GVQW3: variants seen among roughly 807,000 people sequenced by gnomAD.
GVQW3 encodes the protein GVQW motif containing 3.
GVQW3 carries 7 observed loss-of-function variants against 12.5 expected under a neutral mutation model. The ratio of observed to expected loss-of-function variants is 0.56; its 90% CI spans 0.32 to 1.05. The LOEUF (loss-of-function observed/expected upper bound fraction) is 1.05. Ranked by LOEUF, GVQW3 falls within the 50% of genes least tolerant of loss-of-function variation. The pLI, the probability that GVQW3 is intolerant of heterozygous loss-of-function variation, is 0.04. For missense variants in GVQW3, 188 were observed against 190.8 expected (o/e 0.99, Z 0.09); for synonymous variants, 71 against 67.2 (o/e 1.06, Z -0.28).
At chr11:76,382,323 C>G (rs1021283265) in intron 1 of GVQW3, 30 bp downstream of exon 1, 8 of 1,376,692 alleles carry the variant, frequency 5.8e-6, no homozygotes, top group Admixed American at 2.0e-5. Flanking sequence ...GGAGTTATCT[C>G]CAGGGTGAAG....
At chr11:76,386,462 C>T (rs1398707362) in intron 1 of GVQW3, among the ~76,000 whole-genome samples, 3 of 152,176 alleles carry the variant, frequency 2.0e-5, no homozygotes, top group African/African-American at 7.2e-5. Context: ...AAGACTAAGA[C>T]TTGCCTTTGG....
At chr11:76,384,617 C>T (rs766970838) in intron 1 of GVQW3, among the ~76,000 whole-genome samples, 3 of 152,222 alleles carry the variant, frequency 2.0e-5, no homozygotes, top group African/African-American at 7.2e-5. Flanking sequence ...GCCACCACGC[C>T]GGGTCAACAC....
At chr11:76,402,410 G>A (rs1946998558) in intron 1 of GVQW3, among the ~76,000 whole-genome samples, 2 of 151,978 alleles carry the variant, frequency 1.3e-5, no homozygotes, top group South Asian at 4.2e-4. Context: ...AAAATTAGCT[G>A]GGTGTGGTGG....
chr11:76,407,577 A>AC lies in GVQW3; in HGVS notation c.*3819_*3820insC, dbSNP rs1491416104. On this transcript the variant is annotated 3_prime_UTR_variant, in exon 2 of 2. Coordinates refer to ENST00000529331, the MANE Select transcript of GVQW3 (RefSeq NM_001347885.2). ...GGGCGGCAGAGCAAGACTCCCTCTC[A>AC]AAAAAAAAAAAAAAAAAAAAAAAAA... is the stretch of plus-strand genomic sequence containing the variant. The AC allele has an allele frequency of 4.8e-4, 12 of 25,034 alleles. No individual in the cohort carries two copies. The highest frequency in any genetic ancestry group is 1.2e-3 in the African/African-American group (8 of 6,868). The allele number at this position is 25,034 out of a possible 1,614,324, so 1.6% of individuals were successfully genotyped here. A position where few individuals can be genotyped will look rare whatever the true frequency, so the allele number is the denominator to read the frequency against.
rs546080741 is a variant in GVQW3, at chr11:76,406,645, T to A, written c.*2887T>A. The A allele has an allele frequency of 6.6e-6, 1 of 152,324 alleles. No individual in the cohort carries two copies. Among genetic ancestry groups the A allele is most frequent in the Non-Finnish European group, 1.5e-5 (1 of 68,026 alleles). The allele number at this position is 152,324 out of a possible 1,614,324, so 9.4% of individuals were successfully genotyped here. ...CTATTGTAATTTAGATGCAAAAGAA[T>A]GTGTTGTCTGCTTTGCAGCCAATTT... On this transcript the variant is annotated 3_prime_UTR_variant, in exon 2 of 2. Transcript: ENST00000529331.
downstream of GVQW3, chr11:76,408,596 T>C (rs1354445391): frequency 6.6e-6 from 1 of 152,308 alleles, no homozygotes; most frequent in African/African-American, 2.4e-5. Context: ...AATAAAATTA[T>C]CTGGGAGCAG....
At position 76,386,104 on chromosome 11, in the gene GVQW3, C is replaced by T. The variant is rs185914830; in HGVS notation, c.465+3811C>T. On this transcript the variant is annotated intron_variant, in intron 1 of 1. Coordinates refer to ENST00000529331, the MANE Select transcript of GVQW3 (RefSeq NM_001347885.2). ...TGGCTTTCAGGTTGATCTTTGTCCC[C>T]GCCCCCACGCTCATTCTAATTCAAA... 3.9e-5 allele frequency among the ~76,000 whole-genome samples: 6 copies of T among 152,270 alleles called. No homozygotes were observed. In the East Asian group the frequency reaches 7.7e-4, roughly 20 times the overall value.
At chr11:76,408,990 T>C (rs975451448), downstream of GVQW3, among the ~76,000 whole-genome samples, 5 of 152,176 alleles carry the variant, frequency 3.3e-5, no homozygotes, top group Admixed American at 3.3e-4. Flanking sequence ...CGGGTGCAGC[T>C]CAGAGGCCAT....
chr11:76,400,985 T>C (rs1946983800), intron 1 of GVQW3, among the ~76,000 whole-genome samples: 1 of 151,756 alleles, frequency 6.6e-6, no homozygotes, highest in Non-Finnish European at 1.5e-5. Context: ...CCCAACTCTT[T>C]CTCCTCCATA....
intron 1 of GVQW3, among the ~76,000 whole-genome samples, chr11:76,388,008 C>T (rs1946853292): frequency 6.6e-6 from 1 of 152,152 alleles, no homozygotes; most frequent in African/African-American, 2.4e-5. Context: ...GCTATTTTAC[C>T]TTGAAATATT....
At chr11:76,400,001 C>CTG (rs1946972967) in intron 1 of GVQW3, among the ~76,000 whole-genome samples, 1 of 101,250 alleles carries the variant, frequency 9.9e-6, no homozygotes, top group African/African-American at 3.9e-5. Context: ...CTCTCTCTCT[C>CTG]TGTATACACA....
At chr11:76,391,782 C>T (rs569078375) in intron 1 of GVQW3, among the ~76,000 whole-genome samples, 2 of 152,136 alleles carry the variant, frequency 1.3e-5, no homozygotes, top group South Asian at 2.1e-4. Context: ...GGTAAAACCC[C>T]GTCTCTACTA....
At chr11:76,393,541 A>G (rs1443683520) in intron 1 of GVQW3, among the ~76,000 whole-genome samples, 3 of 152,070 alleles carry the variant, frequency 2.0e-5, no homozygotes, top group African/African-American at 7.2e-5. Flanking sequence ...AGCTAGCTCA[A>G]TCATGCCCCA....
intron 1 of GVQW3, among the ~76,000 whole-genome samples, chr11:76,393,477 C>G (rs917209843): frequency 3.5e-4 from 54 of 152,222 alleles, no homozygotes; most frequent in African/African-American, 1.2e-3. Flanking sequence ...TGCTCCTGTG[C>G]TATTTGGCTT....
chr11:76,413,733 A>G (rs1187927351), exon 2 of GVQW3: 1 of 152,144 alleles, frequency 6.6e-6, no homozygotes, highest in Non-Finnish European at 1.5e-5. Context: ...TGACAGGCAT[A>G]CCAGTCTGCA....
intron 1 of GVQW3, among the ~76,000 whole-genome samples, chr11:76,386,574 C>T (rs1305399869): frequency 1.3e-5 from 2 of 152,132 alleles, no homozygotes; most frequent in African/African-American, 2.4e-5. Context: ...AAATGCTGCT[C>T]AGTCTCCCTG....
chr11:76,403,387 C>T (rs1947009597), intron 1 of GVQW3, among the ~76,000 whole-genome samples: 1 of 152,192 alleles, frequency 6.6e-6, no homozygotes, highest in Non-Finnish European at 1.5e-5. Context: ...CTGCCATTTG[C>T]AAGCTGGAGC....
rs757749717 is a variant in GVQW3 at position 76,404,024 on chromosome 11, C to T, written c.*266C>T. ...CTAATCTCTTCCGGAAACATCCCCA[C>T]AGACACACCCAGAAATAATGTTTTC... is the stretch of plus-strand genomic sequence containing the variant. On this transcript the variant is annotated 3_prime_UTR_variant, in exon 2 of 2. Transcript: ENST00000529331. 1.7e-6 allele frequency: 1 copy of T among 606,048 alleles called. No individual in the cohort carries two copies. Among genetic ancestry groups the T allele is most frequent in the South Asian group, 1.8e-5 (1 of 54,310 alleles). The allele number at this position is 606,048 out of a possible 1,614,324, so 37.5% of individuals were successfully genotyped here.
In GVQW3 at chr11:76,404,036, G is replaced by GAA. The variant is rs1243523265; in HGVS notation, c.*280_*281dup. 1.4e-5 allele frequency: 8 copies of GAA among 579,320 alleles called. No homozygotes were observed. The East Asian group carries it at 2.4e-4, about 18-fold the overall frequency. The allele number at this position is 579,320 out of a possible 1,614,324, so 35.9% of individuals were successfully genotyped here. A position where few individuals can be genotyped will look rare whatever the true frequency, so the allele number is the denominator to read the frequency against. On this transcript the variant is annotated 3_prime_UTR_variant, in exon 2 of 2. Transcript: ENST00000529331. ...GGAAACATCCCCACAGACACACCCA[G>GAA]AAATAATGTTTTCCCATCTATCTCA...
Sources: allele counts gnomAD v4.1 joint callset (sites outside exome capture counted in the v4.1 genomes callset), GRCh38; gene constraint gnomAD v4.1.1; transcripts MANE v1.5; gene names NCBI Gene and HGNC (gene_info 2026-07-23, HGNC 2026-07-21).